Variants in FTCDNL1 observed in about 807,000 individuals in gnomAD.
FTCDNL1 encodes the protein formiminotransferase N-terminal subdomain-containing protein.
FTCDNL1 carries 11 observed loss-of-function variants against 5.9 expected under a neutral mutation model. That is an observed-to-expected ratio of 1.87 (90% CI 1.18 to 3.10). The LOEUF (loss-of-function observed/expected upper bound fraction) is 3.10. Ranked by LOEUF, FTCDNL1 falls within the 30% of genes most tolerant of loss-of-function variation. The probability of loss-of-function intolerance (pLI) is 0.00; values close to 1 mark genes in which losing one functional copy is unlikely to be tolerated. For missense variants in FTCDNL1, 115 were observed against 65.5 expected, an observed-to-expected ratio of 1.76 and a Z score of -2.61; for synonymous variants, 58 against 24.8, an observed-to-expected ratio of 2.34 and a Z score of -3.99.
the FTCDNL1 span, among the ~76,000 whole-genome samples, chr2:199,668,516 A>C: frequency 6.6e-6 from 1 of 152,022 alleles, no homozygotes; most frequent in Non-Finnish European, 1.5e-5. Context: ...GGGAGCTGAG[A>C]TCTACCCTCA....
intron 3 of FTCDNL1, among the ~76,000 whole-genome samples, chr2:199,835,729 A>G (rs72924477): frequency 2.0e-3 from 302 of 152,336 alleles, no homozygotes; most frequent in Non-Finnish European, 3.0e-3. Context: ...CTGAGCTCAA[A>G]AATACCAGGG....
intron 3 of FTCDNL1, among the ~76,000 whole-genome samples, chr2:199,802,139 A>C (rs1283008111): frequency 6.6e-6 from 1 of 152,104 alleles, no homozygotes; most frequent in Non-Finnish European, 1.5e-5. Flanking sequence ...GTTTCAACAG[A>C]TTGTGCCTAA....
At chr2:199,731,877 G>A in the FTCDNL1 span, among the ~76,000 whole-genome samples, 1 of 148,970 alleles carries the variant, frequency 6.7e-6, no homozygotes, top group East Asian at 2.0e-4. Flanking sequence ...GACAGAGCGA[G>A]ACTCCGTCTC....
chr2:199,738,528 C>T, the FTCDNL1 span, among the ~76,000 whole-genome samples: 1 of 151,464 alleles, frequency 6.6e-6, no homozygotes, highest in African/African-American at 2.4e-5. Flanking sequence ...TAGGGCATTG[C>T]TTTTTTTTTC....
At chr2:199,769,769 G>C (rs1194591151) in intron 3 of FTCDNL1, among the ~76,000 whole-genome samples, 1 of 152,096 alleles carries the variant, frequency 6.6e-6, no homozygotes, top group Admixed American at 6.5e-5. Flanking sequence ...ACTGTCACTA[G>C]CCCAGGGTAC....
At chr2:199,775,034 T>C (rs759063447) in intron 3 of FTCDNL1, among the ~76,000 whole-genome samples, 1 of 152,206 alleles carries the variant, frequency 6.6e-6, no homozygotes, top group Non-Finnish European at 1.5e-5. Flanking sequence ...CAAGTAATAA[T>C]AGTTTCAGTG....
chr2:199,672,047 A>AT, the FTCDNL1 span, among the ~76,000 whole-genome samples: 1 of 152,132 alleles, frequency 6.6e-6, no homozygotes, highest in Non-Finnish European at 1.5e-5. Flanking sequence ...ATGATATGCT[A>AT]TCTTCCTTTA....
chr2:199,753,167 C>T, the FTCDNL1 span, among the ~76,000 whole-genome samples: 1 of 152,114 alleles, frequency 6.6e-6, no homozygotes, highest in East Asian at 1.9e-4. Context: ...GCTGCTGTGT[C>T]CCATTAGAGG....
chr2:199,735,407 A>G, the FTCDNL1 span, among the ~76,000 whole-genome samples: 1 of 152,198 alleles, frequency 6.6e-6, no homozygotes, highest in African/African-American at 2.4e-5. Flanking sequence ...ATTGTGCATA[A>G]AAATATTTTA....
the FTCDNL1 span, among the ~76,000 whole-genome samples, chr2:199,667,465 C>T: frequency 2.2e-4 from 31 of 140,556 alleles, no homozygotes; most frequent in Admixed American, 9.0e-4. Flanking sequence ...AGTGAGACCT[C>T]GTCTCTACAA....
At chr2:199,739,533 C>T in the FTCDNL1 span, among the ~76,000 whole-genome samples, 10 of 152,174 alleles carry the variant, frequency 6.6e-5, no homozygotes, top group Non-Finnish European at 1.0e-4. Context: ...CTAGAGTATG[C>T]TTATGTGAAA....
At chr2:199,730,749 T>G in the FTCDNL1 span, among the ~76,000 whole-genome samples, 3 of 152,178 alleles carry the variant, frequency 2.0e-5, no homozygotes, top group Non-Finnish European at 4.4e-5. Flanking sequence ...TTGGTGGGTG[T>G]GTAAATTAGC....
rs1700978156 is a variant in FTCDNL1, at chr2:199,810,556, CTGT to C, written c.*2146_*2148del. On this transcript the variant is annotated 3_prime_UTR_variant, in exon 5 of 5. Coordinates refer to ENST00000420128, the MANE Select transcript of FTCDNL1 (RefSeq NM_001363886.2). ...AGATGGCCATTGACACTCTAGAGCC[CTGT>C]TACTCTAGAGCTCAGGGGCAAATGT... is the stretch of plus-strand genomic sequence containing the variant. Among the ~76,000 whole-genome samples the C allele has an allele frequency of 6.6e-6, 1 of 152,182 alleles. No homozygotes were observed. The highest frequency in any genetic ancestry group is 1.5e-5 in the Non-Finnish European group (1 of 68,038).
At chr2:199,728,089 G>A in the FTCDNL1 span, among the ~76,000 whole-genome samples, 3 of 152,094 alleles carry the variant, frequency 2.0e-5, no homozygotes, top group Admixed American at 6.5e-5. Flanking sequence ...TTCCTTTTAG[G>A]GACAGTTCTC....
the FTCDNL1 span, among the ~76,000 whole-genome samples, chr2:199,715,433 TA>T: frequency 6.6e-6 from 1 of 152,252 alleles, no homozygotes; most frequent in Non-Finnish European, 1.5e-5. Flanking sequence ...TTGATGGTTC[TA>T]TAAAAGGGCA....
intron 3 of FTCDNL1, 111 bp from the exon 4 acceptor site, chr2:199,819,868 AT>A: frequency 1.6e-6 from 1 of 612,516 alleles, no homozygotes; most frequent in Non-Finnish European, 2.9e-6. Flanking sequence ...AGAACTCATC[AT>A]TTTAGTCATT....
the FTCDNL1 span, among the ~76,000 whole-genome samples, chr2:199,673,815 TAATATGGA>T: frequency 0.033 from 5,003 of 152,252 alleles, 388 homozygotes; most frequent in East Asian, 0.26. Flanking sequence ...TTGTTAATAT[TAATATGGA>T]AAGTATTCCT....
the FTCDNL1 span, among the ~76,000 whole-genome samples, chr2:199,721,870 C>T: frequency 1.3e-5 from 2 of 151,966 alleles, no homozygotes; most frequent in South Asian, 4.1e-4. Flanking sequence ...ATTTCAATAT[C>T]AATCAGTGAT....
the FTCDNL1 span, among the ~76,000 whole-genome samples, chr2:199,693,521 T>A: frequency 6.6e-6 from 1 of 152,176 alleles, no homozygotes; most frequent in Non-Finnish European, 1.5e-5. Context: ...GTGAGAGACT[T>A]GGTATCTTAA....
Sources: allele counts gnomAD v4.1 joint callset (sites outside exome capture counted in the v4.1 genomes callset), GRCh38; gene constraint gnomAD v4.1.1; transcripts MANE v1.5; gene names NCBI Gene and HGNC (gene_info 2026-07-23, HGNC 2026-07-21).